Variants in LRRC4C observed in about 807,000 individuals in gnomAD.
LRRC4C encodes leucine rich repeat containing 4C.
LRRC4C carries 5 observed loss-of-function variants against 33.6 expected under a neutral mutation model. The ratio of observed to expected loss-of-function variants is 0.15; its 90% CI spans 0.08 to 0.31. The LOEUF (loss-of-function observed/expected upper bound fraction) is 0.31, where lower values mean the gene tolerates loss of function less well. Ranked by LOEUF, LRRC4C falls within the 10% of genes least tolerant of loss-of-function variation. LRRC4C has a pLI of 1.00. For synonymous variants in LRRC4C, 329 were observed against 302.0 expected (o/e 1.09, Z -0.93); for missense variants, 560 against 796.7 (o/e 0.70, Z 3.58).
rs67048103 is a variant in LRRC4C at position 40,326,552 on chromosome 11, G to GA, written c.-269-6832dup. Among the ~76,000 whole-genome samples the GA allele has an allele frequency of 1.8e-3, 248 of 141,642 alleles. 2 individuals carry two copies. The highest frequency in any genetic ancestry group is 6.2e-3 in the African/African-American group (231 of 37,412). 92.9% of individuals were successfully genotyped at this position (141,642 alleles called of 152,430 possible). Reference sequence around the variant, plus strand: ...CTCCAGGCAAGACTCCTTCTCAAAAGAAAAAAAAAAAAAAAAGAAGAAGTC... The same window carrying GA: ...CTCCAGGCAAGACTCCTTCTCAAAAGAAAAAAAAAAAAAAAAAGAAGAAGTC... On this transcript the variant is annotated intron_variant, in intron 3 of 6. Transcript: ENST00000528697.
chr11:40,490,367 T>C (rs1171271089), intron 3 of LRRC4C, among the ~76,000 whole-genome samples: 1 of 152,148 alleles, frequency 6.6e-6, no homozygotes, highest in African/African-American at 2.4e-5. Flanking sequence ...CATGACACAA[T>C]GTCAAGCTGG....
At chr11:40,423,407 C>G (rs995457097) in intron 3 of LRRC4C, among the ~76,000 whole-genome samples, 4 of 143,128 alleles carry the variant, frequency 2.8e-5, no homozygotes, top group East Asian at 4.3e-4. Context: ...TGCAGTGGCG[C>G]CATCTCGGCT....
chr11:40,351,356 G>A (rs1345900695), intron 3 of LRRC4C, among the ~76,000 whole-genome samples: 1 of 151,928 alleles, frequency 6.6e-6, no homozygotes, highest in African/African-American at 2.4e-5. Context: ...GTGTGCTGAG[G>A]AGAAGAATGT....
At chr11:40,722,348 G>T (rs1947060716) in intron 2 of LRRC4C, among the ~76,000 whole-genome samples, 2 of 152,250 alleles carry the variant, frequency 1.3e-5, no homozygotes, top group East Asian at 3.9e-4. Flanking sequence ...AGGTACCGCC[G>T]CTAAGCGCCT....
intron 3 of LRRC4C, among the ~76,000 whole-genome samples, chr11:40,466,339 A>G (rs1590826414): frequency 6.6e-6 from 1 of 151,998 alleles, no homozygotes; most frequent in East Asian, 1.9e-4. Flanking sequence ...GGTGATGGAT[A>G]CAATACAAGA....
At chr11:40,298,543 T>C (rs1356915830) in intron 4 of LRRC4C, among the ~76,000 whole-genome samples, 1 of 151,556 alleles carries the variant, frequency 6.6e-6, no homozygotes, top group Non-Finnish European at 1.5e-5. Context: ...CTTTTCAGGC[T>C]TCTGTGTGAA....
chr11:40,251,584 G>A (rs976536156), intron 4 of LRRC4C, among the ~76,000 whole-genome samples: 1 of 152,124 alleles, frequency 6.6e-6, no homozygotes, highest in Non-Finnish European at 1.5e-5. Context: ...TTAGTAGAAC[G>A]GTTCAATTCA....
chr11:41,265,012 G>C (rs1012373618), intron 1 of LRRC4C, among the ~76,000 whole-genome samples: 2 of 152,116 alleles, frequency 1.3e-5, no homozygotes, highest in East Asian at 1.9e-4. Context: ...TAAATATTGT[G>C]AGGGTAAGGA....
intron 1 of LRRC4C, among the ~76,000 whole-genome samples, chr11:41,280,391 T>C (rs987612154): frequency 4.6e-5 from 7 of 152,136 alleles, no homozygotes; most frequent in African/African-American, 1.4e-4. Flanking sequence ...GAACTGGGGA[T>C]CTATTCACCA....
chr11:40,462,742 A>G (rs559666395), intron 3 of LRRC4C, among the ~76,000 whole-genome samples: 6 of 152,200 alleles, frequency 3.9e-5, no homozygotes, highest in African/African-American at 9.6e-5. Flanking sequence ...ACTCACACCA[A>G]TATAAATCCC....
At chr11:41,131,496 C>T (rs962013212) in intron 1 of LRRC4C, among the ~76,000 whole-genome samples, 4 of 151,980 alleles carry the variant, frequency 2.6e-5, no homozygotes, top group African/African-American at 9.7e-5. Flanking sequence ...ATAGTTACGA[C>T]CATGTATATT....
chr11:40,659,440 C>T (rs1381879442), intron 2 of LRRC4C, among the ~76,000 whole-genome samples: 1 of 152,108 alleles, frequency 6.6e-6, no homozygotes, highest in African/African-American at 2.4e-5. Flanking sequence ...GTCCAGGCTA[C>T]CAATTCCAGG....
chr11:40,851,248 C>T (rs561459204), intron 2 of LRRC4C, among the ~76,000 whole-genome samples: 2 of 152,100 alleles, frequency 1.3e-5, no homozygotes, highest in Admixed American at 6.5e-5. Flanking sequence ...GTGCTTGAAA[C>T]CCAGGGCCCT....
intron 2 of LRRC4C, among the ~76,000 whole-genome samples, chr11:40,700,019 A>AT (rs1945787809): frequency 6.6e-6 from 1 of 152,102 alleles, no homozygotes. Context: ...AGTCTTTCCT[A>AT]TTGGGTGCCC....
intron 1 of LRRC4C, among the ~76,000 whole-genome samples, chr11:41,015,636 T>A (rs1855527881): frequency 6.6e-6 from 1 of 152,182 alleles, no homozygotes; most frequent in African/African-American, 2.4e-5. Flanking sequence ...GGTATTTATG[T>A]CAGTGAGGAC....
intron 5 of LRRC4C, among the ~76,000 whole-genome samples, chr11:40,216,054 T>G (rs1863952727): frequency 6.6e-6 from 1 of 152,228 alleles, no homozygotes; most frequent in Non-Finnish European, 1.5e-5. Flanking sequence ...AAGCACAAAG[T>G]TAGGTTCCTA....
At chr11:40,265,710 A>G (rs1213634835) in intron 4 of LRRC4C, among the ~76,000 whole-genome samples, 1 of 152,224 alleles carries the variant, frequency 6.6e-6, no homozygotes, top group Non-Finnish European at 1.5e-5. Flanking sequence ...AAAAATATCA[A>G]TAAAATTCAG....
chr11:40,880,798 C>T (rs1955135859), intron 2 of LRRC4C, among the ~76,000 whole-genome samples: 1 of 150,338 alleles, frequency 6.7e-6, no homozygotes, highest in African/African-American at 2.4e-5. Context: ...GCTTCCCTGC[C>T]TACATTTACA....
intron 5 of LRRC4C, among the ~76,000 whole-genome samples, chr11:40,158,058 A>G (rs578065321): frequency 1.3e-5 from 2 of 152,292 alleles, no homozygotes; most frequent in East Asian, 1.9e-4. Context: ...TGTGGTATAG[A>G]TCTATGAGGG....
Sources: gnomAD v4.1 joint callset for allele counts (sites outside exome capture counted in the v4.1 genomes callset) on GRCh38, gnomAD v4.1.1 for gene constraint, MANE v1.5 for transcripts, NCBI Gene and HGNC (gene_info 2026-07-23, HGNC 2026-07-21) for gene names.